Variants in POLD2 observed in about 807,000 individuals in gnomAD.
POLD2 encodes DNA polymerase delta subunit 2.
A neutral mutation model predicts 48.8 loss-of-function variants in POLD2; 31 were observed. The observed-to-expected ratio is 0.64, with a 90% CI of 0.48 to 0.86. The LOEUF (loss-of-function observed/expected upper bound fraction) is 0.86, where lower values mean the gene tolerates loss of function less well. Among genes scored for constraint, POLD2 ranks in the 40% least tolerant of loss-of-function variants. POLD2 has a pLI of 0.00. For missense variants in POLD2, 455 were observed against 610.1 expected, an observed-to-expected ratio of 0.75 and a Z score of 2.68; for synonymous variants, 233 against 256.3, an observed-to-expected ratio of 0.91 and a Z score of 0.87.
At chr7:44,115,655 A>C (rs2096237744) in intron 9 of POLD2, 111 bp downstream of exon 9, 9 of 1,217,898 alleles carry the variant, frequency 7.4e-6, no homozygotes, top group Non-Finnish European at 1.0e-5. Context: ...CTCCTCAGAC[A>C]GTTCTCAGCA....
upstream of POLD2, chr7:44,123,737 C>CG (rs899905026): frequency 5.2e-6 from 7 of 1,334,328 alleles, no homozygotes; most frequent in African/African-American, 1.5e-5. Context: ...CAACGCGGGG[C>CG]GGGGGCTCGC....
intron 1 of POLD2, chr7:44,123,269 A>G (rs2096250600): frequency 1.5e-6 from 2 of 1,357,488 alleles, no homozygotes; most frequent in Admixed American, 4.1e-5. Context: ...GTGTCTAACG[A>G]GTGACTCGTT....
chr7:44,117,342 A>C, intron 4 of POLD2, 95 bp from the exon 5 acceptor site: 1 of 892,876 alleles, frequency 1.1e-6, no homozygotes, highest in Non-Finnish European at 1.8e-6. Flanking sequence ...GTTCTCCACA[A>C]CCACATTGGT....
intron 2 of POLD2, 44 bp from the exon 3 acceptor site, chr7:44,118,108 C>A: frequency 6.2e-7 from 1 of 1,605,704 alleles, no homozygotes. Flanking sequence ...GTAGCCCCCC[C>A]GCCCGACAGA....
chr7:44,118,010 C>A lies in POLD2; in HGVS notation c.275G>T (p.Cys92Phe). 6.2e-7 allele frequency: 1 copy of A among 1,614,232 alleles called. No homozygotes were observed. The highest frequency in any genetic ancestry group is 8.5e-7 in the Non-Finnish European group (1 of 1,180,026). ...LCELQPEEKC[C>F]VVGTLFKAMP... is the part of the protein sequence containing the mutation. ...GGCCTTGAACAGAGTGCCCACCACA[C>A]AGCACTTCTCCTCAGGCTGCAGTTC... Residue 92 changes from cysteine to phenylalanine, a missense_variant, in exon 3 of 11, where the codon TGT becomes TTT. By Grantham distance (205) the Cys-to-Phe change is radical. Coordinates refer to ENST00000610533, the MANE Select transcript of POLD2 (RefSeq NM_006230.4).
upstream of POLD2, among the ~76,000 whole-genome samples, chr7:44,123,941 C>A (rs910107897): frequency 2.0e-5 from 3 of 152,258 alleles, no homozygotes; most frequent in African/African-American, 7.2e-5. Context: ...TCCCAGCTTT[C>A]CCCGCAGAGC....
At chr7:44,117,908 G>T in intron 3 of POLD2, 35 bp downstream of exon 3, 1 of 1,609,038 alleles carries the variant, frequency 6.2e-7, no homozygotes, top group Non-Finnish European at 8.5e-7. Context: ...GGCCAGGTCT[G>T]CCTGGCGGCC....
chr7:44,123,335 G>A, intron 1 of POLD2, 176 bp downstream of exon 1: 1 of 1,368,016 alleles, frequency 7.3e-7, no homozygotes, highest in South Asian at 1.7e-5. Flanking sequence ...CGCGCTACTC[G>A]GGATGGGGCC....
chr7:44,123,781 C>T, upstream of POLD2: 1 of 1,189,362 alleles, frequency 8.4e-7, no homozygotes, highest in South Asian at 2.0e-5. Context: ...TTGGCGGCCG[C>T]GCGTGCAGGG....
At chr7:44,120,324 C>A (rs2096246564) in intron 2 of POLD2, among the ~76,000 whole-genome samples, 1 of 152,148 alleles carries the variant, frequency 6.6e-6, no homozygotes, top group Non-Finnish European at 1.5e-5. Context: ...AGAGGAGGTG[C>A]TGCCGGAAAG....
At position 44,116,433 on chromosome 7, in the gene POLD2, C is replaced by T; in HGVS notation, c.858G>A (p.Leu286=). 5 of 1,577,780 alleles carry T rather than the reference C, an allele frequency of 3.2e-6. No individual in the cohort carries two copies. The highest frequency in any genetic ancestry group is 4.3e-6 in the Non-Finnish European group (5 of 1,161,190). Reference sequence around the variant, plus strand: ...CTCCAGCCCCCAGCTCGCTCACGCTCAGCTGCAGGAGGATCTCATCCAGCA... The same window carrying T: ...CTCCAGCCCCCAGCTCGCTCACGCTTAGCTGCAGGAGGATCTCATCCAGCA... The part of the protein sequence containing the change: ...VKMLDEILLQ[L]SASVPVDVMP... The change falls in exon 7 of 11, where the codon CTG becomes CTA. Residue 286 remains leucine (L), a synonymous_variant. Coordinates refer to ENST00000610533, the MANE Select transcript of POLD2 (RefSeq NM_006230.4). The surrounding 1 kb of genome is among the most constrained non-coding windows in gnomAD (Gnocchi z 6.1).
At chr7:44,123,324 C>G (rs1047159353) in intron 1 of POLD2, 187 bp downstream of exon 1, 2 of 1,365,654 alleles carry the variant, frequency 1.5e-6, no homozygotes, top group African/African-American at 3.1e-5. Flanking sequence ...AGCAGCCAGG[C>G]CGCGCTACTC....
intron 1 of POLD2, 154 bp from the exon 2 acceptor site, chr7:44,122,263 C>T (rs558777625): frequency 7.0e-7 from 1 of 1,423,480 alleles, no homozygotes; most frequent in Admixed American, 3.0e-5. Flanking sequence ...TTTATCGTGC[C>T]TGGATACCGA....
rs1193074204 is a variant in POLD2, at chr7:44,117,987, C to G, written c.298G>C (p.Ala100Pro). ...AGGATGGAGGGCTGCAGCGGCATGG[C>G]CTTGAACAGAGTGCCCACCACACAG... ...KCCVVGTLFK[A>P]MPLQPSILRE... is the part of the protein sequence containing the mutation. Residue 100 changes from alanine (A) to proline (P), a missense_variant, in exon 3 of 11, where the codon GCC becomes CCC. Physicochemically the swap from Ala to Pro is conservative, Grantham distance 27. Around this residue, in one of 3 missense-constraint regions of POLD2, gnomAD observed 349 missense variants for 437.4 expected, o/e 0.80. Transcript: ENST00000610533. 1.2e-6 allele frequency: 2 copies of G among 1,614,232 alleles called. No homozygotes were observed. Among genetic ancestry groups the G allele is most frequent in the Non-Finnish European group, 1.7e-6 (2 of 1,180,036 alleles).
At position 44,116,564 on chromosome 7, in the gene POLD2, G is replaced by T; in HGVS notation, c.781-54C>A. On this transcript the variant is annotated intron_variant, in intron 6 of 10. Transcript: ENST00000610533. This position sits in a 1 kb window ranked among gnomAD's most constrained non-coding sequence, Gnocchi z 6.1. Reference sequence around the variant, plus strand: ...GCCCAGGCGAGTCCCAGGCTCAGAGGAGAGTAGAGCCCCACCAGCTGGAAG... The same window carrying T: ...GCCCAGGCGAGTCCCAGGCTCAGAGTAGAGTAGAGCCCCACCAGCTGGAAG... 1 of 1,384,808 alleles carries T rather than the reference G, an allele frequency of 7.2e-7. No individual in the cohort carries two copies. Among genetic ancestry groups the T allele is most frequent in the Non-Finnish European group, 1.0e-6 (1 of 996,226 alleles). The allele number at this position is 1,384,808 out of a possible 1,614,324, so 85.8% of individuals were successfully genotyped here.
In POLD2 at chr7:44,116,379, A is replaced by G. The variant is rs776651932; in HGVS notation, c.861+51T>C. ...TGCCTGCCTTCTGTTGCCCAGTGGC[A>G]GCTTTGAAGACTGCAATCCCCATCA... On this transcript the variant is annotated intron_variant, in intron 7 of 10. Transcript: ENST00000610533. The surrounding 1 kb of genome is among the most constrained non-coding windows in gnomAD (Gnocchi z 6.1). 2 of 1,583,442 alleles carry G rather than the reference A, an allele frequency of 1.3e-6. No individual in the cohort carries two copies. Among genetic ancestry groups the G allele is most frequent in the South Asian group, 2.3e-5 (2 of 88,158 alleles).
At chr7:44,119,267 C>T (rs1003113212) in intron 2 of POLD2, among the ~76,000 whole-genome samples, 3 of 152,046 alleles carry the variant, frequency 2.0e-5, no homozygotes, top group Non-Finnish European at 2.9e-5. Flanking sequence ...AATACAGGTG[C>T]CCACACAGCA....
In POLD2 at chr7:44,117,155, C is replaced by G. The variant is rs768064825; in HGVS notation, c.559G>C (p.Ala187Pro). The G allele has an allele frequency of 6.2e-7, 1 of 1,613,864 alleles. No homozygotes were observed. The highest frequency in any genetic ancestry group is 8.5e-7 in the Non-Finnish European group (1 of 1,179,804). The change falls in exon 5 of 11, where the codon GCA becomes CCA. Residue 187 changes from alanine (A) to proline (P), a missense_variant. Ala to Pro is a conservative substitution (Grantham distance 27). Transcript: ENST00000610533. ...CACCTATCTGTGTCAAGTGGGGGTG[C>G]GGGCTTCTGGGGAGCAAGGTCAGCA... ...CFADLAPQKP[A>P]PPLDTDRFVL...
rs902671645 is a variant in POLD2, at chr7:44,116,929, G to A, written c.668C>T (p.Thr223Met). 8 of 1,613,678 alleles carry A rather than the reference G, an allele frequency of 5.0e-6. No homozygotes were observed. The highest frequency in any genetic ancestry group is 3.3e-5 in the Admixed American group (2 of 59,996). ...CTCCCCTTCGTCCCCAAGCTGCCCCGTCACCACATCCACCAGCAGCTGGGT... is the reference window on the plus strand; with the variant it reads ...CTCCCCTTCGTCCCCAAGCTGCCCCATCACCACATCCACCAGCAGCTGGGT... The part of the protein sequence containing the change: ...LGTQLLVDVV[T>M]GQLGDEGEQC... Residue 223 changes from threonine to methionine, a missense_variant, in exon 6 of 11, where the codon ACG becomes ATG. By Grantham distance (81) the Thr-to-Met change is moderately conservative. Coordinates refer to ENST00000610533, the MANE Select transcript of POLD2 (RefSeq NM_006230.4). The surrounding 1 kb of genome is among the most constrained non-coding windows in gnomAD (Gnocchi z 6.1).
Sources: allele counts gnomAD v4.1 joint callset (sites outside exome capture counted in the v4.1 genomes callset), GRCh38; gene constraint gnomAD v4.1.1; regional missense constraint gnomAD v4.1.1; non-coding constraint Gnocchi (gnomAD v3.1); transcripts MANE v1.5; gene names NCBI Gene and HGNC (gene_info 2026-07-23, HGNC 2026-07-21).